The following PHGDH variants were observed in gnomAD, a reference collection of about 807,000 sequenced individuals.
The protein encoded by PHGDH is D-3-phosphoglycerate dehydrogenase.
A neutral mutation model predicts 52.6 loss-of-function variants in PHGDH; 50 were observed. That is an observed-to-expected ratio of 0.95 (90% CI 0.76 to 1.20). The LOEUF (loss-of-function observed/expected upper bound fraction) is 1.20. PHGDH is among the 50% of genes most tolerant of loss of function. PHGDH has a pLI of 0.00. For synonymous variants in PHGDH, 271 were observed against 280.5 expected, an observed-to-expected ratio of 0.97 and a Z score of 0.34; for missense variants, 630 against 684.6, an observed-to-expected ratio of 0.92 and a Z score of 0.89.
intron 2 of PHGDH, among the ~76,000 whole-genome samples, chr1:119,721,966 T>C (rs984629811): frequency 7.9e-5 from 12 of 152,244 alleles, no homozygotes; most frequent in African/African-American, 1.9e-4. Flanking sequence ...GTCACTTAGA[T>C]GGTATGGCAA....
chr1:119,740,304 G>A, intron 8 of PHGDH, 82 bp from the exon 9 acceptor site: 3 of 1,480,760 alleles, frequency 2.0e-6, no homozygotes, highest in Non-Finnish European at 2.8e-6. Flanking sequence ...TTCTTGTGGA[G>A]CTGGGTCTTG....
chr1:119,726,397 G>A (rs1417751549), intron 3 of PHGDH, among the ~76,000 whole-genome samples: 1 of 152,132 alleles, frequency 6.6e-6, no homozygotes, highest in Non-Finnish European at 1.5e-5. Context: ...GTAATTAGGT[G>A]TCCTCTTCAT....
At position 119,720,738 on chromosome 1, in the gene PHGDH, C is replaced by G. The variant is rs1651110391; in HGVS notation, c.139-432C>G. ...CTTTGGATATATCAAAATCAGCCAG[C>G]AGGCAGGAACTCCCATTTTGAGCAA... On this transcript the variant is annotated intron_variant, in intron 1 of 11. Transcript: ENST00000641023. 8 of 240,740 alleles carry G rather than the reference C, an allele frequency of 3.3e-5. No individual in the cohort carries two copies. The South Asian group carries it at 4.7e-4, about 14-fold the overall frequency. The allele number at this position is 240,740 out of a possible 1,614,324, so 14.9% of individuals were successfully genotyped here.
At chr1:119,734,883 T>TG in intron 6 of PHGDH, 117 bp downstream of exon 6, 3 of 1,156,730 alleles carry the variant, frequency 2.6e-6, no homozygotes, top group Non-Finnish European at 3.9e-6. Flanking sequence ...GAGGTCCACC[T>TG]GGGTCCTGCA....
At chr1:119,742,283 G>A (rs1652245279) in intron 10 of PHGDH, 1 of 371,138 alleles carries the variant, frequency 2.7e-6, no homozygotes, top group African/African-American at 2.1e-5. Context: ...CAAGCTCTAG[G>A]AGCCCTGCTG....
At chr1:119,743,507 G>A (rs1012526771) in intron 11 of PHGDH, among the ~76,000 whole-genome samples, 2 of 152,216 alleles carry the variant, frequency 1.3e-5, no homozygotes, top group African/African-American at 2.4e-5. Context: ...CTGGGGCTTG[G>A]GCTGCTAGGG....
At chr1:119,727,988 A>G (rs1158194422) in intron 5 of PHGDH, among the ~76,000 whole-genome samples, 1 of 152,208 alleles carries the variant, frequency 6.6e-6, no homozygotes, top group Non-Finnish European at 1.5e-5. Flanking sequence ...GCACATGAGT[A>G]GTAGCTGTAC....
rs1264262485 is a variant in PHGDH at position 119,742,962 on chromosome 1, A to G, written c.1365A>G (p.Pro455=). 9.9e-6 allele frequency: 16 copies of G among 1,614,054 alleles called. No individual in the cohort carries two copies. The highest frequency in any genetic ancestry group is 1.3e-5 in the African/African-American group (1 of 74,950). The change falls in exon 11 of 12, where the codon CCA becomes CCG. Residue 455 remains proline (P), a synonymous_variant. Coordinates refer to ENST00000641023, the MANE Select transcript of PHGDH (RefSeq NM_006623.4). ...GGCTCAATGGAGCTGTCTTCAGGCCAGAAGTGCCTCTCCGCAGGGACCTGC... is the reference window on the plus strand; with the variant it reads ...GGCTCAATGGAGCTGTCTTCAGGCCGGAAGTGCCTCTCCGCAGGGACCTGC... The part of the protein sequence containing the change: ...LQGLNGAVFR[P]EVPLRRDLPL...
intron 3 of PHGDH, chr1:119,724,664 T>A (rs587745924): frequency 0.017 from 6,369 of 371,538 alleles, 36 homozygotes; most frequent in Non-Finnish European, 0.022. Flanking sequence ...CAGGGATTTT[T>A]TTTTTTTTTT....
chr1:119,730,269 G>C (rs1416012195), intron 5 of PHGDH, among the ~76,000 whole-genome samples: 2 of 152,168 alleles, frequency 1.3e-5, no homozygotes, highest in Non-Finnish European at 1.5e-5. Context: ...TTTCATACTA[G>C]CCTCATCCTC....
chr1:119,716,781 C>G lies in PHGDH; in HGVS notation c.139-4389C>G, dbSNP rs192318390. 9.9e-4 allele frequency among the ~76,000 whole-genome samples: 150 copies of G among 152,188 alleles called. 1 individual carries two copies. The highest frequency in any genetic ancestry group is 2.9e-3 in the African/African-American group (122 of 41,516). ...GTGTGTTACCAATTTTCTAAGGTGT[C>G]AGTGCTGGCTGCAAAGAAATGACCA... On this transcript the variant is annotated intron_variant, in intron 1 of 11. Coordinates refer to ENST00000641023, the MANE Select transcript of PHGDH (RefSeq NM_006623.4).
chr1:119,740,531 C>T lies in PHGDH; in HGVS notation c.1078+13C>T, dbSNP rs1557981115. 3.9e-6 allele frequency: 6 copies of T among 1,556,530 alleles called. No homozygotes were observed. Among genetic ancestry groups the T allele is most frequent in the Non-Finnish European group, 5.2e-6 (6 of 1,148,602 alleles). ...GTGATAACACAGGGTGAGCTGGGGA[C>T]CTTGCAGAGGGAGGGGGAGGAGGGG... On this transcript the variant is annotated intron_variant, in intron 9 of 11. Transcript: ENST00000641023.
At chr1:119,743,171 T>C in intron 11 of PHGDH, 127 bp downstream of exon 11, 1 of 764,262 alleles carries the variant, frequency 1.3e-6, no homozygotes, top group South Asian at 1.4e-5. Context: ...ATCTGCACCA[T>C]ACAGAGGGTC....
Position 119,730,740 on chromosome 1 carries a change from G to C in PHGDH, c.510+3638G>C, listed in dbSNP as rs117078173. On this transcript the variant is annotated intron_variant, in intron 5 of 11. Coordinates refer to ENST00000641023, the MANE Select transcript of PHGDH (RefSeq NM_006623.4). ...GTAAGACATCTTTCATGATTCCCTC[G>C]GGGTTCGGATGGAGCCCCTTGAGCT... Among the ~76,000 whole-genome samples the C allele has an allele frequency of 1.1e-4, 17 of 152,154 alleles. No individual in the cohort carries two copies. The East Asian group carries it at 3.1e-3, about 28-fold the overall frequency.
intron 7 of PHGDH, among the ~76,000 whole-genome samples, chr1:119,736,242 C>A (rs1651929615): frequency 6.6e-6 from 1 of 152,222 alleles, no homozygotes; most frequent in Non-Finnish European, 1.5e-5. Context: ...TCTTTCTCAG[C>A]TCTTAGATCA....
intron 1 of PHGDH, chr1:119,714,492 A>C (rs1385849419): frequency 6.6e-6 from 1 of 152,238 alleles, no homozygotes; most frequent in East Asian, 1.9e-4. Context: ...TAAGGTTGTA[A>C]GTATTGTTTC....
intron 3 of PHGDH, among the ~76,000 whole-genome samples, chr1:119,725,207 CGCCCACATTAGAG>C (rs1286951938): frequency 7.9e-5 from 12 of 152,202 alleles, no homozygotes; most frequent in Non-Finnish European, 2.9e-5. Flanking sequence ...TGAGGACCCT[CGCCCACATTAGAG>C]TCCTCTCCAG....
chr1:119,733,895 G>C (rs142259284), intron 5 of PHGDH, among the ~76,000 whole-genome samples: 22 of 152,290 alleles, frequency 1.4e-4, no homozygotes, highest in East Asian at 5.8e-4. Context: ...GAGAGTGAGA[G>C]ATGGCTGCAA....
intron 1 of PHGDH, chr1:119,715,800 G>A (rs1570985139): frequency 6.6e-6 from 1 of 152,368 alleles, no homozygotes. Flanking sequence ...GCAGAGGGCA[G>A]TGAACATCAG....
Sources: gnomAD v4.1 joint callset for allele counts (sites outside exome capture counted in the v4.1 genomes callset) on GRCh38, gnomAD v4.1.1 for gene constraint, MANE v1.5 for transcripts, NCBI Gene and HGNC (gene_info 2026-07-23, HGNC 2026-07-21) for gene names.